CDH4: variants seen among roughly 807,000 people sequenced by gnomAD.
CDH4 encodes the protein cadherin 4.
Under a neutral mutation model 86.0 loss-of-function variants are expected in CDH4, and 33 were observed. The observed-to-expected ratio is 0.38, with a 90% confidence interval of 0.29 to 0.51. The LOEUF (loss-of-function observed/expected upper bound fraction) is 0.51, where lower values mean the gene tolerates loss of function less well. CDH4 is among the 20% of genes least tolerant of loss of function. The pLI is 0.86. For missense variants in CDH4, 1,114 were observed against 1,307.4 expected (o/e 0.85, Z 2.28); for synonymous variants, 555 against 549.4 (o/e 1.01, Z -0.14).
At chr20:61,776,524 C>G (rs1163672537) in intron 4 of CDH4, among the ~76,000 whole-genome samples, 1 of 152,238 alleles carries the variant, frequency 6.6e-6, no homozygotes, top group African/African-American at 2.4e-5. Context: ...TTGTCATCTG[C>G]TCCTCATATC....
chr20:61,321,166 C>T (rs2123242019), intron 2 of CDH4, among the ~76,000 whole-genome samples: 1 of 152,332 alleles, frequency 6.6e-6, no homozygotes, highest in East Asian at 1.9e-4. Context: ...AGAGAAGGCT[C>T]TGTGGGTCTC....
At chr20:61,722,193 G>GT (rs2088050260) in intron 2 of CDH4, among the ~76,000 whole-genome samples, 1 of 132,382 alleles carries the variant, frequency 7.6e-6, no homozygotes, top group African/African-American at 2.5e-5. Context: ...CCTGCTTTGG[G>GT]GTTTTTTTTC....
chr20:61,277,869 T>A (rs769474966), intron 2 of CDH4, among the ~76,000 whole-genome samples: 4 of 152,214 alleles, frequency 2.6e-5, no homozygotes, highest in Non-Finnish European at 5.9e-5. Flanking sequence ...ATGAGCGTTC[T>A]GATGGAGCAG....
chr20:61,431,359 GTT>G lies in CDH4; in HGVS notation c.169+176439_169+176440del, dbSNP rs34959436. Among the ~76,000 whole-genome samples the G allele has an allele frequency of 9.6e-3, 1,249 of 129,892 alleles. 15 individuals carry two copies. Among genetic ancestry groups the G allele is most frequent in the African/African-American group, 0.033 (1,128 of 34,316 alleles). The allele number at this position is 129,892 out of a possible 152,430, so 85.2% of individuals were successfully genotyped here. On this transcript the variant is annotated intron_variant, in intron 2 of 15. Coordinates refer to ENST00000614565, the MANE Select transcript of CDH4 (RefSeq NM_001794.5). ...CAAAATTACTCTCTTTTTTTTGTTG[GTT>G]TTTTTTTTTTTTTTTTGAGACAGGG...
At chr20:61,317,687 C>G (rs961901681) in intron 2 of CDH4, among the ~76,000 whole-genome samples, 1 of 152,122 alleles carries the variant, frequency 6.6e-6, no homozygotes, top group Non-Finnish European at 1.5e-5. Context: ...GTGCCACAAC[C>G]AAAAATGCCT....
intron 6 of CDH4, among the ~76,000 whole-genome samples, chr20:61,859,289 C>T (rs56162156): frequency 0.17 from 25,510 of 152,162 alleles, 2,270 homozygotes; most frequent in East Asian, 0.29. Flanking sequence ...TTTACGTATT[C>T]TAGATACAAG....
intron 2 of CDH4, among the ~76,000 whole-genome samples, chr20:61,405,129 G>C (rs2085074165): frequency 6.6e-6 from 1 of 152,018 alleles, no homozygotes; most frequent in African/African-American, 2.4e-5. Context: ...TTTTGTTTCG[G>C]GGTCCCAGGG....
intron 2 of CDH4, among the ~76,000 whole-genome samples, chr20:61,273,363 C>T (rs374826290): frequency 9.1e-4 from 75 of 82,556 alleles, no homozygotes; most frequent in African/African-American, 3.2e-3. Flanking sequence ...GGGGGAGTAC[C>T]GTGTGCAGTT....
At chr20:61,735,943 G>C (rs2088257494) in intron 2 of CDH4, among the ~76,000 whole-genome samples, 1 of 152,180 alleles carries the variant, frequency 6.6e-6, no homozygotes, top group South Asian at 2.1e-4. Flanking sequence ...CAGCTCCCGA[G>C]TTGTTTGCAA....
At chr20:61,401,765 A>G (rs2085050782) in intron 2 of CDH4, among the ~76,000 whole-genome samples, 1 of 152,180 alleles carries the variant, frequency 6.6e-6, no homozygotes, top group Admixed American at 6.5e-5. Flanking sequence ...GAGTAAATAC[A>G]ATGACTAGGC....
At chr20:61,851,589 G>A (rs548420144) in intron 5 of CDH4, among the ~76,000 whole-genome samples, 86 of 152,196 alleles carry the variant, frequency 5.7e-4, no homozygotes, top group Admixed American at 1.0e-3. Context: ...GTCCAACTTC[G>A]AGGGTGATGT....
chr20:61,507,685 G>A (rs1301624658), intron 2 of CDH4, among the ~76,000 whole-genome samples: 1 of 152,182 alleles, frequency 6.6e-6, no homozygotes, highest in Non-Finnish European at 1.5e-5. Flanking sequence ...CAGCCAAGAG[G>A]TGTTTAAGGA....
At chr20:61,649,674 T>C (rs913121483) in intron 2 of CDH4, among the ~76,000 whole-genome samples, 1 of 152,150 alleles carries the variant, frequency 6.6e-6, no homozygotes, top group African/African-American at 2.4e-5. Flanking sequence ...GTATCCACTT[T>C]GGAAGATTGG....
intron 2 of CDH4, among the ~76,000 whole-genome samples, chr20:61,315,987 C>G (rs1384324537): frequency 6.6e-6 from 1 of 152,160 alleles, no homozygotes; most frequent in Non-Finnish European, 1.5e-5. Context: ...AGGGAACAGG[C>G]GATTTCCACA....
At chr20:61,346,324 G>A (rs6028134) in intron 2 of CDH4, among the ~76,000 whole-genome samples, 30,038 of 152,024 alleles carry the variant, frequency 0.2, 2,937 homozygotes, top group Middle Eastern at 0.33. Context: ...GTGGTCGGAG[G>A]GAGGCAGGGA....
chr20:61,279,177 A>G (rs2084245475), intron 2 of CDH4, among the ~76,000 whole-genome samples: 1 of 152,216 alleles, frequency 6.6e-6, no homozygotes, highest in African/African-American at 2.4e-5. Context: ...TTAAATGAGC[A>G]TCTGGGAACA....
chr20:61,625,769 G>C (rs923083503), intron 2 of CDH4, among the ~76,000 whole-genome samples: 1 of 152,200 alleles, frequency 6.6e-6, no homozygotes, highest in South Asian at 2.1e-4. Flanking sequence ...TGAGCCCCGT[G>C]TTCACCTTCA....
At chr20:61,580,843 A>C (rs1295061868) in intron 2 of CDH4, among the ~76,000 whole-genome samples, 1 of 152,182 alleles carries the variant, frequency 6.6e-6, no homozygotes, top group African/African-American at 2.4e-5. Flanking sequence ...TGGATGATGA[A>C]GCACTAGGAC....
intron 2 of CDH4, among the ~76,000 whole-genome samples, chr20:61,688,296 C>T (rs908199181): frequency 1.3e-5 from 2 of 152,086 alleles, no homozygotes; most frequent in Non-Finnish European, 2.9e-5. Context: ...GGGTCTTTGT[C>T]TTTCTCCCTC....
Sources: allele counts gnomAD v4.1 joint callset (sites outside exome capture counted in the v4.1 genomes callset), GRCh38; gene constraint gnomAD v4.1.1; transcripts MANE v1.5; gene names NCBI Gene and HGNC (gene_info 2026-07-23, HGNC 2026-07-21).